The following NAV2 variants were observed in gnomAD, a reference collection of about 807,000 sequenced individuals.
NAV2 encodes neuron navigator 2.
In NAV2, 54 loss-of-function variants were observed where a neutral mutation model predicts 223.2. The observed-to-expected ratio is 0.24, with a 90% CI of 0.19 to 0.30. The LOEUF is 0.30. Ranked by LOEUF, NAV2 falls within the 10% of genes least tolerant of loss-of-function variation. NAV2 has a pLI of 1.00. For missense variants in NAV2, 2,806 were observed against 3,147.5 expected, an observed-to-expected ratio of 0.89 and a Z score of 2.60; for synonymous variants, 1,279 against 1,239.3, an observed-to-expected ratio of 1.03 and a Z score of -0.67.
At chr11:20,068,476 T>G (rs2059191408) in intron 22 of NAV2, 78 bp downstream of exon 22, 1 of 1,056,744 alleles carries the variant, frequency 9.5e-7, no homozygotes, top group South Asian at 1.3e-5. Context: ...AGTCCTCCTG[T>G]GCTGAACAAA....
At chr11:19,493,862 AT>A (rs540496065) in intron 1 of NAV2, among the ~76,000 whole-genome samples, 211 of 152,324 alleles carry the variant, frequency 1.4e-3, no homozygotes, top group African/African-American at 4.9e-3. Flanking sequence ...AAGAAAAATT[AT>A]TTTCCCTCCT....
intron 1 of NAV2, among the ~76,000 whole-genome samples, chr11:19,803,368 A>G (rs2058374679): frequency 6.6e-6 from 1 of 152,174 alleles, no homozygotes; most frequent in South Asian, 2.1e-4. Context: ...TTTAGCAGAG[A>G]ACGCCTCACA....
intron 11 of NAV2, among the ~76,000 whole-genome samples, chr11:19,989,862 C>T (rs1003446656): frequency 2.6e-5 from 4 of 152,092 alleles, no homozygotes; most frequent in South Asian, 2.1e-4. Flanking sequence ...CCAAATCCTC[C>T]GGTCGCCTAA....
chr11:20,067,956 G>A (rs1304675654), intron 20 of NAV2, among the ~76,000 whole-genome samples: 2 of 152,092 alleles, frequency 1.3e-5, no homozygotes, highest in African/African-American at 4.8e-5. Flanking sequence ...ACCAAAATGT[G>A]GAGTGGTGTT....
At chr11:19,534,586 G>A (rs925817688) in intron 1 of NAV2, among the ~76,000 whole-genome samples, 47 of 152,346 alleles carry the variant, frequency 3.1e-4, no homozygotes, top group African/African-American at 1.0e-3. Context: ...TTGAGGAAAG[G>A]AGGATCACAC....
intron 1 of NAV2, among the ~76,000 whole-genome samples, chr11:19,645,548 A>G (rs1213184728): frequency 2.0e-5 from 3 of 152,150 alleles, no homozygotes; most frequent in Non-Finnish European, 4.4e-5. Context: ...GGTGATAAGG[A>G]TGCCAGATAT....
chr11:19,585,024 G>C (rs1045428930), intron 1 of NAV2, among the ~76,000 whole-genome samples: 1 of 152,160 alleles, frequency 6.6e-6, no homozygotes, highest in Non-Finnish European at 1.5e-5. Context: ...AAGTCTCTTT[G>C]TAGGTCTCTA....
At chr11:19,391,166 C>G (rs1298125259) in intron 1 of NAV2, among the ~76,000 whole-genome samples, 1 of 152,174 alleles carries the variant, frequency 6.6e-6, no homozygotes, top group Non-Finnish European at 1.5e-5. Context: ...GTCTCTCATT[C>G]TGATTAAACC....
At chr11:19,777,588 C>T (rs2056360813) in intron 1 of NAV2, 1 of 452,984 alleles carries the variant, frequency 2.2e-6, no homozygotes, top group African/African-American at 2.0e-5. Flanking sequence ...CGCCCCCCAT[C>T]CCCTTTAGGA....
In NAV2 at chr11:20,103,261, C is replaced by T. The variant is rs34329467; in HGVS notation, c.6424C>T (p.Arg2142Cys). Reference sequence around the variant, plus strand: ...GCCTTCCTGGCCACCATAGGAATTGCGCCAGTACCTGTCCAACCTTGCTGA... The same window carrying T: ...GCCTTCCTGGCCACCATAGGAATTGTGCCAGTACCTGTCCAACCTTGCTGA... Reference protein sequence around the residue: ...NVDHKSSKELRQYLSNLADQC... With the variant: ...NVDHKSSKELCQYLSNLADQC... The change falls in exon 33 of 38, where the codon CGC becomes TGC. Residue 2142 changes from arginine to cysteine, a missense_variant. By Grantham distance (180) the Arg-to-Cys change is radical. Around this residue, in one of 4 missense-constraint regions of NAV2, gnomAD observed 824 missense variants for 1,069.4 expected, o/e 0.77. Coordinates refer to ENST00000349880, the MANE Select transcript of NAV2 (RefSeq NM_145117.5). 5,847 of 1,612,250 alleles carry T rather than the reference C, an allele frequency of 3.6e-3. 14 individuals carry two copies. The highest frequency in any genetic ancestry group is 4.7e-3 in the Non-Finnish European group (5,498 of 1,179,040).
At chr11:19,440,194 T>C (rs922303778) in intron 1 of NAV2, among the ~76,000 whole-genome samples, 1 of 152,190 alleles carries the variant, frequency 6.6e-6, no homozygotes, top group Non-Finnish European at 1.5e-5. Context: ...ATGAAGCTAC[T>C]GTCTAGTGGG....
chr11:19,990,409 C>T (rs547706460), intron 11 of NAV2, among the ~76,000 whole-genome samples: 3 of 152,278 alleles, frequency 2.0e-5, no homozygotes, highest in Admixed American at 2.0e-4. Context: ...CTTGGCTAAC[C>T]ACTACATGGA....
At chr11:19,365,178 A>T (rs1245369047) in intron 1 of NAV2, among the ~76,000 whole-genome samples, 1 of 152,220 alleles carries the variant, frequency 6.6e-6, no homozygotes, top group East Asian at 1.9e-4. Context: ...GTGGAAACAG[A>T]AATGAAATCT....
rs568917447 is a variant in NAV2 at position 20,072,942 on chromosome 11, G to T, written c.4983+4544G>T. 5.9e-5 allele frequency among the ~76,000 whole-genome samples: 9 copies of T among 152,206 alleles called. No individual in the cohort carries two copies. In the East Asian group the frequency reaches 1.7e-3, roughly 29 times the overall value. On this transcript the variant is annotated intron_variant, in intron 22 of 37. Transcript: ENST00000349880. ...TACCCTTTATTTCCTTCTCTTGCTT[G>T]ATTGCCCTGGCCAGAACTTCCAATA...
chr11:19,940,629 A>G (rs1266267482), intron 8 of NAV2, among the ~76,000 whole-genome samples: 2 of 152,196 alleles, frequency 1.3e-5, no homozygotes, highest in Non-Finnish European at 2.9e-5. Flanking sequence ...CTTAAAATCC[A>G]TTTATTGAAC....
At chr11:19,976,000 A>C (rs2049701250) in intron 10 of NAV2, among the ~76,000 whole-genome samples, 1 of 152,186 alleles carries the variant, frequency 6.6e-6, no homozygotes, top group African/African-American at 2.4e-5. Flanking sequence ...GTTGTTTTTA[A>C]AATATATATG....
At chr11:19,864,982 A>T (rs571741169) in intron 3 of NAV2, among the ~76,000 whole-genome samples, 7 of 152,314 alleles carry the variant, frequency 4.6e-5, no homozygotes, top group Admixed American at 3.3e-4. Context: ...ACCCATTTCT[A>T]TGGCAACAAC....
At chr11:20,091,101 C>A in intron 27 of NAV2, 83 bp downstream of exon 27, 2 of 1,476,854 alleles carry the variant, frequency 1.4e-6, no homozygotes, top group East Asian at 2.3e-5. Flanking sequence ...GCCCTGAGGG[C>A]TGCATCAGAA....
intron 1 of NAV2, among the ~76,000 whole-genome samples, chr11:19,582,200 G>GTT (rs1466893666): frequency 2.6e-5 from 4 of 151,964 alleles, no homozygotes; most frequent in Non-Finnish European, 5.9e-5. Context: ...TCGCCCACTT[G>GTT]TTGATGGGGT....
Sources: gnomAD v4.1 joint callset for allele counts (sites outside exome capture counted in the v4.1 genomes callset) on GRCh38, gnomAD v4.1.1 for gene constraint, gnomAD v4.1.1 regional missense constraint, MANE v1.5 for transcripts, NCBI Gene and HGNC (gene_info 2026-07-23, HGNC 2026-07-21) for gene names.